The following PTPN9 variants were observed in gnomAD, a reference collection of about 807,000 sequenced individuals.
PTPN9 encodes protein tyrosine phosphatase non-receptor type 9.
In PTPN9, 26 loss-of-function variants were observed where a neutral mutation model predicts 69.8. That is an observed-to-expected ratio of 0.37 (90% CI 0.27 to 0.52). The LOEUF is 0.52. Among genes scored for constraint, PTPN9 ranks in the 20% least tolerant of loss-of-function variants. PTPN9 has a pLI of 0.91. For synonymous variants in PTPN9, 274 were observed against 272.5 expected, an observed-to-expected ratio of 1.01 and a Z score of -0.05; for missense variants, 549 against 740.3, an observed-to-expected ratio of 0.74 and a Z score of 3.00.
chr15:75,473,881 C>T, intron 9 of PTPN9, 114 bp from the exon 10 acceptor site: 2 of 766,072 alleles, frequency 2.6e-6, no homozygotes, highest in Non-Finnish European at 2.2e-6. Context: ...GGTTAGCTCC[C>T]TGCTCATCTT....
chr15:75,496,011 T>G (rs138809636), intron 7 of PTPN9, among the ~76,000 whole-genome samples: 1 of 151,544 alleles, frequency 6.6e-6, no homozygotes, highest in Non-Finnish European at 1.5e-5. Flanking sequence ...TGGTGAAGCA[T>G]GCCTGTGGTC....
At chr15:75,565,109 T>TATAATAATAATAATA (rs200204488) in intron 1 of PTPN9, among the ~76,000 whole-genome samples, 1 of 141,808 alleles carries the variant, frequency 7.1e-6, no homozygotes, top group Non-Finnish European at 1.5e-5. Flanking sequence ...TCAAAAAATA[T>TATAATAATAATAATA]ATAATAATAA....
At chr15:75,561,548 G>A (rs2075103946) in intron 1 of PTPN9, among the ~76,000 whole-genome samples, 1 of 151,986 alleles carries the variant, frequency 6.6e-6, no homozygotes, top group African/African-American at 2.4e-5. Context: ...TGGTACTTGA[G>A]AGATTAAACT....
chr15:75,479,781 A>G (rs1340722282), intron 9 of PTPN9, 67 bp downstream of exon 9: 30 of 1,340,126 alleles, frequency 2.2e-5, no homozygotes, highest in Non-Finnish European at 3.0e-5. Context: ...AAATTATGCT[A>G]TCATTTGGCA....
chr15:75,522,744 C>T (rs1390013560), intron 4 of PTPN9, among the ~76,000 whole-genome samples: 1 of 152,126 alleles, frequency 6.6e-6, no homozygotes, highest in African/African-American at 2.4e-5. Context: ...CTGAACTAAA[C>T]GGCATTATTC....
chr15:75,478,166 C>G (rs1169051148), intron 9 of PTPN9, among the ~76,000 whole-genome samples: 38 of 145,154 alleles, frequency 2.6e-4, no homozygotes, highest in African/African-American at 9.7e-4. Flanking sequence ...TCTTTTTGAG[C>G]GCAATCTCTG....
intron 1 of PTPN9, among the ~76,000 whole-genome samples, chr15:75,572,443 C>T (rs529761148): frequency 1.3e-5 from 2 of 152,146 alleles, no homozygotes; most frequent in African/African-American, 2.4e-5. Context: ...GGCATGGTGG[C>T]TCATGCCTGT....
rs780198245 is a variant in PTPN9, at chr15:75,468,932, G to C, written c.1619C>G (p.Thr540Ser). The C allele has an allele frequency of 1.9e-6, 3 of 1,614,034 alleles. No homozygotes were observed. The highest frequency in any genetic ancestry group is 2.5e-6 in the Non-Finnish European group (3 of 1,179,986). The change falls in exon 13 of 13, where the codon ACC becomes AGC. Residue 540 changes from threonine (T) to serine (S), a missense_variant. By Grantham distance (58) the Thr-to-Ser change is moderately conservative. Coordinates refer to ENST00000618819, the MANE Select transcript of PTPN9 (RefSeq NM_002833.4). ...TGACACCGTCTGGAACACATTAAGG[G>C]TGCCAAGCTCCTCCAGCTGTGCCAG... ...ICLAQLEELG[T>S]LNVFQTVSRM...
Position 75,485,897 on chromosome 15 carries a change from A to G in PTPN9, c.1062+4311T>C, listed in dbSNP as rs1333441213. On this transcript the variant is annotated intron_variant, in intron 8 of 12. Coordinates refer to ENST00000618819, the MANE Select transcript of PTPN9 (RefSeq NM_002833.4). ...GGGCAGATCACGAGGTCAGGAGATC[A>G]AGACCATCCTGGCTAACAAGGTGAA... Among the ~76,000 whole-genome samples the G allele has an allele frequency of 2.0e-3, 309 of 151,026 alleles. 1 individual carries two copies. The highest frequency in any genetic ancestry group is 3.4e-3 in the Middle Eastern group (1 of 292).
chr15:75,486,790 T>G (rs946854561), intron 8 of PTPN9, among the ~76,000 whole-genome samples: 4 of 150,166 alleles, frequency 2.7e-5, no homozygotes, highest in African/African-American at 7.4e-5. Flanking sequence ...TGTTTTTTTT[T>G]TTTTTTTTTT....
At chr15:75,562,791 CAAAAAAAAAAA>C (rs60164759) in intron 1 of PTPN9, among the ~76,000 whole-genome samples, 34 of 80,056 alleles carry the variant, frequency 4.2e-4, no homozygotes, top group Admixed American at 9.6e-4. Flanking sequence ...AGACTCGTTT[CAAAAAAAAAAA>C]AAAAAAAAAA....
At chr15:75,577,722 A>G (rs1215196256) in intron 1 of PTPN9, among the ~76,000 whole-genome samples, 1 of 152,194 alleles carries the variant, frequency 6.6e-6, no homozygotes. Flanking sequence ...TAGAGCTTGA[A>G]ATGGGTTGCC....
intron 1 of PTPN9, among the ~76,000 whole-genome samples, chr15:75,553,257 A>C (rs2075063446): frequency 6.6e-6 from 1 of 152,188 alleles, no homozygotes; most frequent in Non-Finnish European, 1.5e-5. Flanking sequence ...GTACATAAGA[A>C]AAGAATTAAA....
intron 1 of PTPN9, among the ~76,000 whole-genome samples, chr15:75,562,791 CAAAAAAAAAAAA>C (rs60164759): frequency 1.7e-4 from 14 of 80,056 alleles, no homozygotes; most frequent in South Asian, 9.9e-4. Context: ...AGACTCGTTT[CAAAAAAAAAAAA>C]AAAAAAAAAA....
At chr15:75,525,098 G>C (rs1465087351) in intron 2 of PTPN9, among the ~76,000 whole-genome samples, 1 of 151,864 alleles carries the variant, frequency 6.6e-6, no homozygotes, top group African/African-American at 2.4e-5. Context: ...TATTTTCTAG[G>C]TTTAGGCCTC....
chr15:75,495,053 A>G (rs1209768956), intron 7 of PTPN9, among the ~76,000 whole-genome samples: 2 of 152,122 alleles, frequency 1.3e-5, no homozygotes, highest in Non-Finnish European at 2.9e-5. Flanking sequence ...AAATAGATTG[A>G]GAAAGAATAA....
intron 9 of PTPN9, 45 bp downstream of exon 9, chr15:75,479,803 A>C: frequency 2.0e-6 from 3 of 1,481,066 alleles, no homozygotes; most frequent in Non-Finnish European, 2.8e-6. Flanking sequence ...AAGGAATCAT[A>C]AGTAGATGGC....
intron 3 of PTPN9, among the ~76,000 whole-genome samples, chr15:75,523,461 A>G (rs1031009969): frequency 6.6e-6 from 1 of 151,778 alleles, no homozygotes; most frequent in Non-Finnish European, 1.5e-5. Context: ...TGTGGTAAGA[A>G]AAAAAAAACA....
intron 6 of PTPN9, among the ~76,000 whole-genome samples, chr15:75,507,871 C>G (rs1027053070): frequency 6.6e-6 from 1 of 151,524 alleles, no homozygotes; most frequent in Non-Finnish European, 1.5e-5. Context: ...GGTGAAACAC[C>G]GTCTCTACTA....
Sources: allele counts gnomAD v4.1 joint callset (sites outside exome capture counted in the v4.1 genomes callset), GRCh38; gene constraint gnomAD v4.1.1; transcripts MANE v1.5; gene names NCBI Gene and HGNC (gene_info 2026-07-23, HGNC 2026-07-21).